Variants in CDH12 observed in about 807,000 individuals in gnomAD.
CDH12 encodes the protein cadherin 12, also known as cadherin-12.
A neutral mutation model predicts 74.1 loss-of-function variants in CDH12; 41 were observed. The ratio of observed to expected loss-of-function variants is 0.55; its 90% CI spans 0.43 to 0.72. The LOEUF (loss-of-function observed/expected upper bound fraction) is 0.72, where lower values mean the gene tolerates loss of function less well. Ranked by LOEUF, CDH12 falls within the 30% of genes least tolerant of loss-of-function variation. The pLI is 0.00. For synonymous variants in CDH12, 399 were observed against 355.0 expected (o/e 1.12, Z -1.39); for missense variants, 945 against 977.2 (o/e 0.97, Z 0.44).
chr5:22,272,202 C>T (rs1435118766), intron 3 of CDH12, among the ~76,000 whole-genome samples: 1 of 152,192 alleles, frequency 6.6e-6, no homozygotes, highest in Admixed American at 6.5e-5. Flanking sequence ...CTTGCTGCTT[C>T]ACCTTGCATT....
intron 5 of CDH12, among the ~76,000 whole-genome samples, chr5:22,047,708 C>T (rs1415552708): frequency 1.3e-5 from 2 of 152,172 alleles, no homozygotes; most frequent in Non-Finnish European, 2.9e-5. Context: ...AATCTCTAAG[C>T]CTATCCACAA....
rs1268281637 is a variant in CDH12, at chr5:21,960,372, A to G, written c.526+14719T>C. On this transcript the variant is annotated intron_variant, in intron 6 of 14. Transcript: ENST00000382254. ...CTTGTTGCAAGGAACTCTACTGAAT[A>G]CAAGGAACTTTACTAATCTCTAATG... 7.2e-5 allele frequency among the ~76,000 whole-genome samples: 11 copies of G among 152,118 alleles called. No individual in the cohort carries two copies. In the South Asian group the frequency reaches 1.0e-3, roughly 14 times the overall value.
At chr5:22,005,225 T>C (rs1269405022) in intron 5 of CDH12, among the ~76,000 whole-genome samples, 1 of 152,100 alleles carries the variant, frequency 6.6e-6, no homozygotes, top group East Asian at 1.9e-4. Flanking sequence ...GTATATTTAG[T>C]AGAGTCAAGG....
intron 1 of CDH12, among the ~76,000 whole-genome samples, chr5:22,615,681 A>G (rs1737657154): frequency 1.3e-5 from 2 of 152,266 alleles, no homozygotes; most frequent in South Asian, 4.1e-4. Flanking sequence ...AGAGGTAATT[A>G]TTTTGTTTAT....
chr5:22,722,468 T>C (rs1028891641), intron 1 of CDH12, among the ~76,000 whole-genome samples: 1 of 152,230 alleles, frequency 6.6e-6, no homozygotes, highest in Admixed American at 6.5e-5. Flanking sequence ...AAATTCATAA[T>C]GACTCTCCCT....
chr5:22,648,895 A>C (rs1446536337), intron 1 of CDH12, among the ~76,000 whole-genome samples: 2 of 151,976 alleles, frequency 1.3e-5, no homozygotes, highest in East Asian at 3.8e-4. Flanking sequence ...CTTTAAGCTT[A>C]ACAAAATATC....
At chr5:22,722,623 A>G (rs1743958170) in intron 1 of CDH12, among the ~76,000 whole-genome samples, 1 of 152,234 alleles carries the variant, frequency 6.6e-6, no homozygotes, top group African/African-American at 2.4e-5. Flanking sequence ...GCAATGTCAA[A>G]TTAGGTAAAA....
chr5:21,832,725 CTTA>C (rs1384155158), intron 8 of CDH12, among the ~76,000 whole-genome samples: 1 of 139,360 alleles, frequency 7.2e-6, no homozygotes. Context: ...AATGGAAATG[CTTA>C]TTATATATGA....
chr5:21,868,086 A>T (rs902697034), intron 6 of CDH12, among the ~76,000 whole-genome samples: 4 of 148,108 alleles, frequency 2.7e-5, no homozygotes, highest in Admixed American at 1.3e-4. Flanking sequence ...GCCATGGGAG[A>T]CATGCCTTTC....
intron 1 of CDH12, among the ~76,000 whole-genome samples, chr5:22,660,249 G>A (rs1740274892): frequency 6.6e-6 from 1 of 152,084 alleles, no homozygotes; most frequent in African/African-American, 2.4e-5. Flanking sequence ...TATATTCTGG[G>A]AATTTTCTCT....
chr5:22,194,924 C>T (rs894465196), intron 4 of CDH12, among the ~76,000 whole-genome samples: 7 of 151,956 alleles, frequency 4.6e-5, no homozygotes, highest in Admixed American at 6.6e-5. Context: ...AGAGTATAAG[C>T]GAGCACCTTG....
chr5:22,337,595 C>T (rs1026002389), intron 3 of CDH12, among the ~76,000 whole-genome samples: 1 of 152,162 alleles, frequency 6.6e-6, no homozygotes, highest in Non-Finnish European at 1.5e-5. Context: ...CTGCTGCTAT[C>T]CATGTAAAAC....
intron 2 of CDH12, among the ~76,000 whole-genome samples, chr5:22,463,846 T>C (rs1343579562): frequency 6.6e-6 from 1 of 152,216 alleles, no homozygotes; most frequent in Non-Finnish European, 1.5e-5. Flanking sequence ...CTATTCAGAA[T>C]GCTTACCCTT....
At chr5:22,293,170 T>C (rs1178430379) in intron 3 of CDH12, among the ~76,000 whole-genome samples, 2 of 152,120 alleles carry the variant, frequency 1.3e-5, no homozygotes, top group South Asian at 4.1e-4. Flanking sequence ...CCCTGCTCCA[T>C]TTGAAGTAGG....
chr5:22,306,301 A>G (rs1376464594), intron 3 of CDH12, among the ~76,000 whole-genome samples: 1 of 152,132 alleles, frequency 6.6e-6, no homozygotes, highest in Non-Finnish European at 1.5e-5. Flanking sequence ...GTACACAGAG[A>G]CACAGAGAAT....
At chr5:22,557,854 CATAGACT>C in intron 1 of CDH12, among the ~76,000 whole-genome samples, 1 of 152,044 alleles carries the variant, frequency 6.6e-6, no homozygotes, top group Non-Finnish European at 1.5e-5. Flanking sequence ...TTTCAGGAAA[CATAGACT>C]TACTTGGTAA....
intron 1 of CDH12, chr5:22,580,429 C>A: frequency 2.0e-6 from 1 of 509,146 alleles, no homozygotes; most frequent in Non-Finnish European, 4.1e-6. Context: ...ACATCACCCT[C>A]CAAGTACTGC....
At chr5:22,303,531 A>G (rs1737982202) in intron 3 of CDH12, among the ~76,000 whole-genome samples, 1 of 152,126 alleles carries the variant, frequency 6.6e-6, no homozygotes, top group African/African-American at 2.4e-5. Flanking sequence ...GTGATTTGAA[A>G]TGTATCATAA....
At chr5:21,755,975 C>A in intron 13 of CDH12, 133 bp from the exon 14 acceptor site, 1 of 826,424 alleles carries the variant, frequency 1.2e-6, no homozygotes, top group Non-Finnish European at 1.9e-6. Flanking sequence ...TATTTCTGTT[C>A]ACATTATGAA....
Sources: gnomAD v4.1 joint callset for allele counts (sites outside exome capture counted in the v4.1 genomes callset) on GRCh38, gnomAD v4.1.1 for gene constraint, MANE v1.5 for transcripts, NCBI Gene and HGNC (gene_info 2026-07-23, HGNC 2026-07-21) for gene names.